The following ZNF705G variants were observed in gnomAD, a reference collection of about 807,000 sequenced individuals.
ZNF705G encodes putative zinc finger protein 705G.
Under a neutral mutation model 19.6 loss-of-function variants are expected in ZNF705G, and 23 were observed. The observed-to-expected ratio is 1.17, with a 90% CI of 0.84 to 1.66. The LOEUF is 1.66. ZNF705G is among the 40% of genes most tolerant of loss of function. The pLI, the probability that ZNF705G is intolerant of heterozygous loss-of-function variation, is 0.00. For missense variants in ZNF705G, 457 were observed against 354.4 expected, an observed-to-expected ratio of 1.29 and a Z score of -2.32; for synonymous variants, 146 against 117.7, an observed-to-expected ratio of 1.24 and a Z score of -1.56.
intron 3 of ZNF705G, among the ~76,000 whole-genome samples, chr8:7,362,322 C>G (rs1806640442): frequency 6.7e-6 from 1 of 149,670 alleles, no homozygotes; most frequent in South Asian, 2.1e-4. Flanking sequence ...ATAATAATGA[C>G]TTCTTTAGTT....
intron 2 of ZNF705G, among the ~76,000 whole-genome samples, chr8:7,368,588 C>G (rs971632780): frequency 6.7e-6 from 1 of 149,830 alleles, no homozygotes; most frequent in African/African-American, 2.6e-5. Context: ...GTCTGAAATT[C>G]AAGCAGGCTG....
chr8:7,360,020 T>C (rs1168619322), intron 5 of ZNF705G, among the ~76,000 whole-genome samples: 1 of 149,392 alleles, frequency 6.7e-6, no homozygotes, highest in Non-Finnish European at 1.5e-5. Flanking sequence ...AATTATCCTT[T>C]TCCCAAAAGT....
Position 7,358,187 on chromosome 8 carries a change from T to C in ZNF705G, c.692A>G (p.His231Arg), listed in dbSNP as rs1376569263. ...THTGQRPYKCHQYGKVFIQSF... is the reference protein window; with the variant it reads ...THTGQRPYKCRQYGKVFIQSF... ...TTGAATAAAGACTTTCCCATATTGA[T>C]GACACTTATATGGTCTCTGTCCCGT... Residue 231 changes from histidine (H) to arginine (R), a missense_variant, in exon 7 of 7, where the codon CAT (histidine) becomes CGT (arginine). By Grantham distance (29) the His-to-Arg change is conservative. Coordinates refer to ENST00000400156, the MANE Select transcript of ZNF705G (RefSeq NM_001164457.3). The C allele has an allele frequency of 6.2e-7, 1 of 1,607,652 alleles. No homozygotes were observed. Among genetic ancestry groups the C allele is most frequent in the Non-Finnish European group, 8.5e-7 (1 of 1,179,620 alleles).
rs1463390074 is a variant in ZNF705G at position 7,357,720 on chromosome 8, G to C, written c.*256C>G. On this transcript the variant is annotated 3_prime_UTR_variant, in exon 7 of 7. Coordinates refer to ENST00000400156, the MANE Select transcript of ZNF705G (RefSeq NM_001164457.3). ...AGGTAACTGAAGTATCTTCCATGTT[G>C]ATTACAGTATTTCTTCAAAATGTGA... 1.5e-6 allele frequency: 1 copy of C among 651,708 alleles called. No individual in the cohort carries two copies. Among genetic ancestry groups the C allele is most frequent in the Non-Finnish European group, 2.5e-6 (1 of 399,372 alleles). The allele number at this position is 651,708 out of a possible 1,614,324, so 40.4% of individuals were successfully genotyped here. A position where few individuals can be genotyped will look rare whatever the true frequency, so the allele number is the denominator to read the frequency against.
intron 2 of ZNF705G, among the ~76,000 whole-genome samples, chr8:7,364,060 C>G (rs543437900): frequency 1.3e-5 from 2 of 149,576 alleles, no homozygotes; most frequent in African/African-American, 2.6e-5. Context: ...TGATATTTTA[C>G]TAACGTGGTA....
intron 1 of ZNF705G, among the ~76,000 whole-genome samples, chr8:7,382,348 C>G (rs1202537374): frequency 6.8e-5 from 10 of 147,230 alleles, no homozygotes; most frequent in Admixed American, 1.3e-4. Flanking sequence ...AAAGTCTTCA[C>G]AATAATTTTG....
At chr8:7,360,847 T>A (rs1806549624) in intron 4 of ZNF705G, among the ~76,000 whole-genome samples, 1 of 149,548 alleles carries the variant, frequency 6.7e-6, no homozygotes, top group Admixed American at 6.6e-5. Flanking sequence ...AGGTCTGTTA[T>A]GAGTATTAGA....
At position 7,358,344 on chromosome 8, in the gene ZNF705G, T is replaced by A. The variant is rs779726304; in HGVS notation, c.535A>T (p.Lys179Ter). 3.1e-6 allele frequency: 5 copies of A among 1,607,592 alleles called. No individual in the cohort carries two copies. Among genetic ancestry groups the A allele is most frequent in the Non-Finnish European group, 2.5e-6 (3 of 1,179,610 alleles). Reference protein sequence around the residue: ...GKSYQCNLCEKAYTNCFHLRR... With the variant: ...GKSYQCNLCE ...AGGTGAAAGCAATTAGTATAGGCCT[T>A]TTCACATAGATTACACTGATATGAT... is the stretch of plus-strand genomic sequence containing the variant. Residue 179 changes from lysine (K) to a stop codon, truncating the protein, a stop_gained, in exon 7 of 7, where the codon AAG becomes TAG. Transcript: ENST00000400156. LOFTEE classifies it high-confidence loss of function.
At chr8:7,362,126 C>A (rs1029592882) in intron 3 of ZNF705G, among the ~76,000 whole-genome samples, 1 of 149,584 alleles carries the variant, frequency 6.7e-6, no homozygotes, top group Non-Finnish European at 1.5e-5. Context: ...AAAGCCTCTT[C>A]ATTGTTTTTT....
intron 2 of ZNF705G, among the ~76,000 whole-genome samples, chr8:7,369,506 G>T (rs1417440206): frequency 6.7e-6 from 1 of 149,622 alleles, no homozygotes; most frequent in Admixed American, 6.6e-5. Context: ...AAAGCTGCAG[G>T]CACTCAACAC....
At chr8:7,380,985 C>A (rs1333635765) in intron 2 of ZNF705G, among the ~76,000 whole-genome samples, 4 of 98,270 alleles carry the variant, frequency 4.1e-5, no homozygotes, top group Admixed American at 2.4e-4. Context: ...CACTGCACTG[C>A]AGCCTGGCCT....
At chr8:7,370,508 C>T (rs1267479510) in intron 2 of ZNF705G, among the ~76,000 whole-genome samples, 1 of 148,834 alleles carries the variant, frequency 6.7e-6, no homozygotes, top group African/African-American at 2.6e-5. Flanking sequence ...ATACAAATTA[C>T]TATGTCCATT....
At chr8:7,369,233 G>T (rs71511227) in intron 2 of ZNF705G, among the ~76,000 whole-genome samples, 3 of 149,294 alleles carry the variant, frequency 2.0e-5, no homozygotes, top group Non-Finnish European at 4.4e-5. Context: ...AGATTTGGGT[G>T]GGGACACAGA....
In ZNF705G at chr8:7,368,432, G is replaced by A. The variant is rs572849590; in HGVS notation, c.-71-5415C>T. Among the ~76,000 whole-genome samples, 38 of 149,524 alleles carry A rather than the reference G, an allele frequency of 2.5e-4. 4 individuals are homozygous for A. The highest frequency in any genetic ancestry group is 9.5e-4 in the African/African-American group (37 of 38,964). On this transcript the variant is annotated intron_variant, in intron 2 of 6. Coordinates refer to ENST00000400156, the MANE Select transcript of ZNF705G (RefSeq NM_001164457.3). Reference sequence around the variant, plus strand: ...CTCTATATTCTAAAATTCTTTGGAGGTAAACTGGACTTGAAAACAAATGGA... The same window carrying A: ...CTCTATATTCTAAAATTCTTTGGAGATAAACTGGACTTGAAAACAAATGGA...
chr8:7,360,995 C>T, intron 4 of ZNF705G, 115 bp downstream of exon 4: 4 of 1,567,778 alleles, frequency 2.6e-6, no homozygotes, highest in Non-Finnish European at 3.4e-6. Context: ...CAGATGAGAT[C>T]TGTGAGAGAA....
chr8:7,379,910 G>A (rs1479137041), intron 2 of ZNF705G, among the ~76,000 whole-genome samples: 1 of 144,398 alleles, frequency 6.9e-6, no homozygotes, highest in Non-Finnish European at 1.5e-5. Context: ...TCCTGCCCTG[G>A]GGCCCAACAG....
intron 2 of ZNF705G, among the ~76,000 whole-genome samples, chr8:7,375,555 C>A (rs189211786): frequency 1.1e-5 from 1 of 92,608 alleles, no homozygotes; most frequent in Non-Finnish European, 2.1e-5. Flanking sequence ...AGTGAGATTA[C>A]TGGGTCAAAT....
intron 2 of ZNF705G, among the ~76,000 whole-genome samples, chr8:7,365,988 C>A (rs1185944634): frequency 6.7e-6 from 1 of 149,560 alleles, no homozygotes. Flanking sequence ...CACTTCTCAA[C>A]ACCAGTGCTA....
intron 4 of ZNF705G, 62 bp downstream of exon 4, chr8:7,361,048 C>T: frequency 6.3e-7 from 1 of 1,592,032 alleles, no homozygotes; most frequent in South Asian, 1.1e-5. Context: ...GCTGTTTTAA[C>T]ACTTATTGAA....
Sources: gnomAD v4.1 joint callset for allele counts (sites outside exome capture counted in the v4.1 genomes callset) on GRCh38, gnomAD v4.1.1 for gene constraint, MANE v1.5 for transcripts, NCBI Gene and HGNC (gene_info 2026-07-23, HGNC 2026-07-21) for gene names.